Variants in UBE2B observed in about 807,000 individuals in gnomAD.
The protein encoded by UBE2B is ubiquitin conjugating enzyme E2 B.
UBE2B carries 11 observed loss-of-function variants against 24.6 expected under a neutral mutation model. The ratio of observed to expected loss-of-function variants is 0.45; its 90% CI spans 0.28 to 0.74. The LOEUF is 0.74. Ranked by LOEUF, UBE2B falls within the 30% of genes least tolerant of loss-of-function variation. UBE2B has a pLI of 0.13. For missense variants in UBE2B, 78 were observed against 185.6 expected (o/e 0.42, Z 3.37); for synonymous variants, 68 against 62.4 (o/e 1.09, Z -0.42).
intron 4 of UBE2B, among the ~76,000 whole-genome samples, chr5:134,384,198 G>T (rs1271516571): frequency 1.3e-5 from 2 of 152,160 alleles, no homozygotes; most frequent in Non-Finnish European, 1.5e-5. Flanking sequence ...GGTCCTCTTG[G>T]TCGTGTCTCT....
At position 134,391,592 on chromosome 5, in the gene UBE2B, C is replaced by T. The variant is rs1426331190; in HGVS notation, c.*1239C>T. 2 of 152,600 alleles carry T rather than the reference C, an allele frequency of 1.3e-5. No individual in the cohort carries two copies. The highest frequency in any genetic ancestry group is 2.4e-5 in the African/African-American group (1 of 41,448). 9.5% of individuals were successfully genotyped at this position (152,600 alleles called of 1,614,324 possible). ...TTTAGTAACCCCAAGAGTTTCTTCT[C>T]ATATCCATAAAATTGGATTACAGTA... On this transcript the variant is annotated 3_prime_UTR_variant, in exon 6 of 6. Transcript: ENST00000265339.
At chr5:134,385,181 T>G (rs1232428147) in intron 4 of UBE2B, among the ~76,000 whole-genome samples, 1 of 152,266 alleles carries the variant, frequency 6.6e-6, no homozygotes, top group Non-Finnish European at 1.5e-5. Flanking sequence ...TTTATGGGTT[T>G]TACAGAGTTA....
At chr5:134,380,989 C>T (rs1427435202) in intron 4 of UBE2B, among the ~76,000 whole-genome samples, 181 bp downstream of exon 4, 20 of 72,780 alleles carry the variant, frequency 2.7e-4, no homozygotes, top group South Asian at 2.5e-3. Flanking sequence ...TTTTTTGAGA[C>T]GGAGTCTCGC....
Position 134,376,405 on chromosome 5 carries a change from T to G in UBE2B, c.126-264T>G. The stretch of plus-strand genomic sequence containing the variant: ...ATGACTGGTCAGTATTAATGAAAGT[T>G]TTTTTGTGCTAAAATTATGGGCAAG... On this transcript the variant is annotated intron_variant, in intron 2 of 5. Coordinates refer to ENST00000265339, the MANE Select transcript of UBE2B (RefSeq NM_003337.4). Among the ~76,000 whole-genome samples the G allele has an allele frequency of 1.6e-5, 2 of 128,060 alleles. 1 individual carries two copies. Among genetic ancestry groups the G allele is most frequent in the East Asian group, 4.7e-4 (2 of 4,284 alleles). 84.0% of individuals were successfully genotyped at this position (128,060 alleles called of 152,430 possible). A position where few individuals can be genotyped will look rare whatever the true frequency, so the allele number is the denominator to read the frequency against.
At chr5:134,376,278 T>C (rs1758601131) in intron 2 of UBE2B, among the ~76,000 whole-genome samples, 1 of 127,976 alleles carries the variant, frequency 7.8e-6, no homozygotes, top group Non-Finnish European at 1.6e-5. Flanking sequence ...GCTGAGATCA[T>C]GCCATTGCAC....
At chr5:134,384,856 T>C (rs1489307630) in intron 4 of UBE2B, among the ~76,000 whole-genome samples, 1 of 150,170 alleles carries the variant, frequency 6.7e-6, no homozygotes, top group South Asian at 2.1e-4. Flanking sequence ...GTCTTAACCC[T>C]CCCCGCTTCA....
intron 4 of UBE2B, 147 bp downstream of exon 4, chr5:134,380,955 ATTTT>A (rs1186834088): frequency 0.018 from 2,801 of 152,012 alleles, no homozygotes; most frequent in Middle Eastern, 0.025. Context: ...TTTGTTGTGG[ATTTT>A]TTTTTTTTTT....
At chr5:134,379,041 TTGA>T (rs1199379198) in intron 3 of UBE2B, among the ~76,000 whole-genome samples, 1 of 152,158 alleles carries the variant, frequency 6.6e-6, no homozygotes, top group Non-Finnish European at 1.5e-5. Flanking sequence ...TACTTACTTT[TTGA>T]TGAGATTAGT....
At chr5:134,383,559 G>T (rs35686393) in intron 4 of UBE2B, among the ~76,000 whole-genome samples, 21,037 of 141,832 alleles carry the variant, frequency 0.15, 1,875 homozygotes, top group African/African-American at 0.26. Flanking sequence ...CTCGGCTCAC[G>T]GCAACCTCTG....
intron 1 of UBE2B, among the ~76,000 whole-genome samples, chr5:134,373,482 T>A (rs1248089023): frequency 6.6e-6 from 1 of 152,190 alleles, no homozygotes; most frequent in African/African-American, 2.4e-5. Flanking sequence ...TTCTTTTTTT[T>A]TAAATATATT....
At chr5:134,389,535 T>G (rs1758864036) in intron 5 of UBE2B, among the ~76,000 whole-genome samples, 1 of 151,862 alleles carries the variant, frequency 6.6e-6, no homozygotes, top group South Asian at 2.1e-4. Context: ...ATAGGTATTT[T>G]TTTCTTTTCT....
intron 5 of UBE2B, among the ~76,000 whole-genome samples, chr5:134,389,611 C>T (rs35601429): frequency 1.2e-4 from 18 of 149,520 alleles, no homozygotes; most frequent in African/African-American, 4.4e-4. Flanking sequence ...TACAGTGGCG[C>T]GATCTCAGCT....
chr5:134,380,661 A>T (rs1758693146), intron 3 of UBE2B, 58 bp from the exon 4 acceptor site: 3 of 1,002,572 alleles, frequency 3.0e-6, no homozygotes, highest in Non-Finnish European at 4.7e-6. Context: ...TTGAGAACTG[A>T]TGAAGAGATT....
chr5:134,385,886 G>T (rs771786800), intron 4 of UBE2B, among the ~76,000 whole-genome samples: 12 of 152,008 alleles, frequency 7.9e-5, no homozygotes, highest in Non-Finnish European at 1.5e-4. Flanking sequence ...GGTGATGTGT[G>T]CCTGTAATCC....
intron 3 of UBE2B, among the ~76,000 whole-genome samples, chr5:134,379,380 T>C (rs562405429): frequency 1.6e-4 from 25 of 152,264 alleles, no homozygotes; most frequent in Middle Eastern, 3.4e-3. Flanking sequence ...GTGCAGTGGT[T>C]CATGCCTGTA....
chr5:134,389,865 G>C (rs940553831), intron 5 of UBE2B: 5 of 285,524 alleles, frequency 1.8e-5, no homozygotes, highest in Non-Finnish European at 3.4e-5. Context: ...TTTTTTAATA[G>C]AAACAGGGTC....
intron 3 of UBE2B, among the ~76,000 whole-genome samples, chr5:134,379,305 T>C (rs1758664415): frequency 6.6e-6 from 1 of 152,184 alleles, no homozygotes; most frequent in African/African-American, 2.4e-5. Context: ...TTCTTTGGTA[T>C]AATATCAAAA....
chr5:134,374,524 A>G, intron 2 of UBE2B, 61 bp downstream of exon 2: 5 of 1,506,334 alleles, frequency 3.3e-6, no homozygotes, highest in South Asian at 1.2e-5. Flanking sequence ...AAGTAAACAT[A>G]TAACAACTGT....
intron 4 of UBE2B, among the ~76,000 whole-genome samples, chr5:134,383,220 A>T (rs1183296660): frequency 6.6e-6 from 1 of 152,188 alleles, no homozygotes; most frequent in South Asian, 2.1e-4. Flanking sequence ...TGTTACATAG[A>T]TTTATCATAT....
Sources: gnomAD v4.1 joint callset for allele counts (sites outside exome capture counted in the v4.1 genomes callset) on GRCh38, gnomAD v4.1.1 for gene constraint, MANE v1.5 for transcripts, NCBI Gene and HGNC (gene_info 2026-07-23, HGNC 2026-07-21) for gene names.